EOGT: variants seen among roughly 807,000 people sequenced by gnomAD.
The protein encoded by EOGT is EGF domain-specific O-linked N-acetylglucosamine transferase.
Under a neutral mutation model 70.5 loss-of-function variants are expected in EOGT, and 55 were observed. The observed-to-expected ratio is 0.78, with a 90% confidence interval of 0.63 to 0.98. EOGT has a LOEUF of 0.98. EOGT is among the 50% of genes least tolerant of loss of function. EOGT has a pLI of 0.00. For missense variants in EOGT, 703 were observed against 641.9 expected (o/e 1.10, Z -1.03); for synonymous variants, 246 against 217.1 (o/e 1.13, Z -1.17).
chr3:69,004,873 G>C (rs1461928328), intron 7 of EOGT, among the ~76,000 whole-genome samples: 1 of 152,058 alleles, frequency 6.6e-6, no homozygotes, highest in Non-Finnish European at 1.5e-5. Flanking sequence ...AGACCCGCCT[G>C]GGCAACGTTA....
intron 7 of EOGT, 82 bp downstream of exon 7, chr3:69,005,058 T>C (rs978447570): frequency 7.6e-5 from 57 of 747,132 alleles, no homozygotes; most frequent in Non-Finnish European, 1.1e-4. Flanking sequence ...CAAGACCCTG[T>C]CTCAAAAAAA....
chr3:68,978,782 T>C (rs891870171), intron 16 of EOGT, among the ~76,000 whole-genome samples: 3 of 152,134 alleles, frequency 2.0e-5, no homozygotes, highest in Non-Finnish European at 1.5e-5. Flanking sequence ...TATAACTAAA[T>C]AGTGAAGGAT....
rs2091604062 is a variant in EOGT, at chr3:69,012,605, G to A, written c.-161C>T. On this transcript the variant is annotated 5_prime_UTR_variant, in exon 2 of 18. The change creates a premature stop within an existing upstream ORF in the 5' untranslated region. Transcript: ENST00000383701. ...GTCTGGCGAGGGCATGTACCCACTT[G>A]CATAAGGCGGCTGGGGGTGGCTGCT... The A allele has an allele frequency of 1.3e-5, 2 of 152,932 alleles. No homozygotes were observed. Among genetic ancestry groups the A allele is most frequent in the African/African-American group, 2.4e-5 (1 of 41,466 alleles). 9.5% of individuals were successfully genotyped at this position (152,932 alleles called of 1,614,324 possible).
At position 68,977,218 on chromosome 3, in the gene EOGT, C is replaced by CATTAAAA; in HGVS notation, c.*399_*400insTTTTAAT. 5.8e-6 allele frequency: 1 copy of CATTAAAA among 170,976 alleles called. No homozygotes were observed. The highest frequency in any genetic ancestry group is 1.2e-5 in the Non-Finnish European group (1 of 82,242). The allele number at this position is 170,976 out of a possible 1,614,324, so 10.6% of individuals were successfully genotyped here. A position where few individuals can be genotyped will look rare whatever the true frequency, so the allele number is the denominator to read the frequency against. The stretch of plus-strand genomic sequence containing the variant: ...GGTGCAGGCTGCAATCCCAGCTAGT[C>CATTAAAA]AGGTGGCTGAGGCAAAAGAATCGCT... On this transcript the variant is annotated 3_prime_UTR_variant, in exon 18 of 18. Coordinates refer to ENST00000383701, the MANE Select transcript of EOGT (RefSeq NM_001278689.2).
chr3:68,982,812 TA>T lies in EOGT; in HGVS notation c.1212del (p.Tyr404Ter). 3 of 1,605,724 alleles carry T rather than the reference TA, an allele frequency of 1.9e-6. No individual in the cohort carries two copies. Among genetic ancestry groups the T allele is most frequent in the Non-Finnish European group, 2.6e-6 (3 of 1,175,914 alleles). ...TFEVQIVDYK[Y>X]RELGFLDQLR... Reference sequence around the variant, plus strand: ...CTGCTGAGATTGGCTATTACTTACCTATACTTGTAATCAACAATCTGGACTT... The same window carrying T: ...CTGCTGAGATTGGCTATTACTTACCTTACTTGTAATCAACAATCTGGACTT... On this transcript the variant is annotated frameshift_variant and splice_region_variant, in exon 15 of 18. Transcript: ENST00000383701. LOFTEE classifies it high-confidence loss of function.
intron 10 of EOGT, among the ~76,000 whole-genome samples, chr3:68,994,670 C>T (rs1170209111): frequency 6.6e-6 from 1 of 151,882 alleles, no homozygotes; most frequent in African/African-American, 2.4e-5. Context: ...CACACACTGT[C>T]ATCCCAGATA....
rs1575695254 is a variant in EOGT, at chr3:68,976,045, T to C, written c.*1573A>G. ...CACATTGTGCAGTAAAATAAATCCATGGTTTCTGACTACTAAATTGAAAGT... is the reference window on the plus strand; with the variant it reads ...CACATTGTGCAGTAAAATAAATCCACGGTTTCTGACTACTAAATTGAAAGT... On this transcript the variant is annotated 3_prime_UTR_variant, in exon 18 of 18. Coordinates refer to ENST00000383701, the MANE Select transcript of EOGT (RefSeq NM_001278689.2). The C allele has an allele frequency of 6.6e-6, 1 of 152,252 alleles. No homozygotes were observed. Among genetic ancestry groups the C allele is most frequent in the Non-Finnish European group, 1.5e-5 (1 of 68,038 alleles). The allele number at this position is 152,252 out of a possible 1,614,324, so 9.4% of individuals were successfully genotyped here. A position where few individuals can be genotyped will look rare whatever the true frequency, so the allele number is the denominator to read the frequency against.
At chr3:69,006,683 T>TTGAA (rs1404322714) in intron 6 of EOGT, among the ~76,000 whole-genome samples, 1 of 152,222 alleles carries the variant, frequency 6.6e-6, no homozygotes, top group African/African-American at 2.4e-5. Context: ...AAAGCCTAAG[T>TTGAA]ACCTTGTCTA....
intron 17 of EOGT, 76 bp from the exon 18 acceptor site, chr3:68,977,840 A>G (rs899971286): frequency 1.0e-5 from 15 of 1,461,794 alleles, no homozygotes; most frequent in Non-Finnish European, 1.2e-5. Context: ...AAATTATGTT[A>G]CTTTGGTTAA....
chr3:68,988,484 T>C, intron 12 of EOGT, 22 bp downstream of exon 12: 1 of 1,512,452 alleles, frequency 6.6e-7, no homozygotes, highest in South Asian at 1.2e-5. Context: ...ATATGAATGC[T>C]AATGGTAGAC....
rs1007600462 is a variant in EOGT at position 69,008,989 on chromosome 3, C to G, written c.211-461G>C. On this transcript the variant is annotated intron_variant, in intron 4 of 17. Coordinates refer to ENST00000383701, the MANE Select transcript of EOGT (RefSeq NM_001278689.2). ...ACAACACATGGACAACTCTGCCACC[C>G]TTGGGAACCACCCAGCTGCTGCTGG... Among the ~76,000 whole-genome samples the G allele has an allele frequency of 3.6e-4, 55 of 152,240 alleles. 1 individual carries two copies. Among genetic ancestry groups the G allele is most frequent in the African/African-American group, 9.4e-4 (39 of 41,460 alleles).
chr3:69,002,202 C>T (rs2091314119), intron 8 of EOGT, among the ~76,000 whole-genome samples: 1 of 152,114 alleles, frequency 6.6e-6, no homozygotes, highest in Non-Finnish European at 1.5e-5. Context: ...AGCAGATTCT[C>T]CAGGCCCAGG....
intron 3 of EOGT, among the ~76,000 whole-genome samples, chr3:69,010,628 G>C (rs1436136812): frequency 6.6e-6 from 1 of 152,172 alleles, no homozygotes; most frequent in Non-Finnish European, 1.5e-5. Flanking sequence ...TATTGGTAAA[G>C]TGTTTCGAAA....
chr3:68,998,115 C>T lies in EOGT; in HGVS notation c.728-1G>A. 6.6e-7 allele frequency: 1 copy of T among 1,526,580 alleles called. No individual in the cohort carries two copies. The allele number at this position is 1,526,580 out of a possible 1,614,324, so 94.6% of individuals were successfully genotyped here. ...CAGAAGTGGTGATACATGTTAACAC[C>T]TAGTGTTGGAAAATGAAACTACATT... On this transcript the variant is annotated splice_acceptor_variant, in intron 9 of 17. Transcript: ENST00000383701. LOFTEE classifies it high-confidence loss of function.
chr3:68,997,836 C>G (rs1559604271), intron 10 of EOGT, among the ~76,000 whole-genome samples, 175 bp downstream of exon 10: 1 of 152,208 alleles, frequency 6.6e-6, no homozygotes, highest in Non-Finnish European at 1.5e-5. Context: ...TCTGCCTATA[C>G]GTATATGCAC....
intron 10 of EOGT, among the ~76,000 whole-genome samples, chr3:68,991,330 C>T (rs773113798): frequency 2.6e-5 from 4 of 152,162 alleles, no homozygotes; most frequent in Non-Finnish European, 5.9e-5. Context: ...TAATCTATGA[C>T]TTAGAAATTC....
At chr3:68,989,400 A>G (rs2090913158) in intron 10 of EOGT, among the ~76,000 whole-genome samples, 1 of 97,474 alleles carries the variant, frequency 1.0e-5, no homozygotes, top group East Asian at 2.5e-4. Context: ...AAAAACCATC[A>G]GGGTGAATGA....
chr3:68,977,803 G>A (rs1223435999), intron 17 of EOGT, 39 bp from the exon 18 acceptor site: 18 of 1,587,496 alleles, frequency 1.1e-5, no homozygotes, highest in East Asian at 2.3e-5. Context: ...ATAACTCAAT[G>A]AGGGCATGGT....
At chr3:69,011,769 T>C (rs2091585006) in intron 3 of EOGT, among the ~76,000 whole-genome samples, 167 bp downstream of exon 3, 1 of 152,136 alleles carries the variant, frequency 6.6e-6, no homozygotes. Flanking sequence ...GTTTTTCACT[T>C]TGGCGGCCCT....
Sources: allele counts gnomAD v4.1 joint callset (sites outside exome capture counted in the v4.1 genomes callset), GRCh38; gene constraint gnomAD v4.1.1; transcripts MANE v1.5; gene names NCBI Gene and HGNC (gene_info 2026-07-23, HGNC 2026-07-21).